The following ABLIM1 variants were observed in gnomAD, a reference collection of about 807,000 sequenced individuals.
ABLIM1 encodes actin binding LIM protein 1.
In ABLIM1, 40 loss-of-function variants were observed where a neutral mutation model predicts 107.0. That is an observed-to-expected ratio of 0.37 (90% CI 0.29 to 0.49). The LOEUF (loss-of-function observed/expected upper bound fraction) is 0.49. Ranked by LOEUF, ABLIM1 falls within the 20% of genes least tolerant of loss-of-function variation. ABLIM1 has a pLI of 0.97. For synonymous variants in ABLIM1, 357 were observed against 357.3 expected (o/e 1.00, Z 0.01); for missense variants, 857 against 1,008.5 (o/e 0.85, Z 2.04).
intron 6 of ABLIM1, among the ~76,000 whole-genome samples, chr10:114,536,870 T>C (rs1399625672): frequency 6.6e-6 from 1 of 152,102 alleles, no homozygotes; most frequent in Non-Finnish European, 1.5e-5. Context: ...CAACATTCTC[T>C]AAGGGCAGAG....
At chr10:114,513,247 A>C (rs1049363348) in intron 6 of ABLIM1, among the ~76,000 whole-genome samples, 2 of 142,388 alleles carry the variant, frequency 1.4e-5, no homozygotes, top group African/African-American at 6.0e-5. Context: ...TTAGAAAGAA[A>C]TGTGATGAAT....
chr10:114,670,755 G>A (rs542655388), intron 1 of ABLIM1, among the ~76,000 whole-genome samples: 12 of 152,334 alleles, frequency 7.9e-5, no homozygotes, highest in Admixed American at 1.3e-4. Context: ...AGTCAATCTC[G>A]AAGTGTTGGG....
intron 6 of ABLIM1, among the ~76,000 whole-genome samples, chr10:114,499,226 T>C (rs1365696875): frequency 6.6e-6 from 1 of 152,210 alleles, no homozygotes; most frequent in Non-Finnish European, 1.5e-5. Context: ...TGATAGGAAG[T>C]ATTTAAGTAG....
At position 114,548,224 on chromosome 10, in the gene ABLIM1, G is replaced by T. The variant is rs115843523; in HGVS notation, c.674-448C>A. ...ACGTGATTACTCCTGGAGGCTGCCC[G>T]TAAATCTCATTTTTGTAAATGGGAC... On this transcript the variant is annotated intron_variant, in intron 4 of 22. Coordinates refer to ENST00000533213, the MANE Select transcript of ABLIM1 (RefSeq NM_002313.7). Among the ~76,000 whole-genome samples, 431 of 152,334 alleles carry T rather than the reference G, an allele frequency of 2.8e-3. 5 individuals carry two copies. Among genetic ancestry groups the T allele is most frequent in the African/African-American group, 0.01 (418 of 41,572 alleles).
intron 2 of ABLIM1, among the ~76,000 whole-genome samples, chr10:114,585,445 G>A (rs1344653186): frequency 2.6e-5 from 4 of 152,114 alleles, no homozygotes; most frequent in Non-Finnish European, 5.9e-5. Context: ...AACAACTACA[G>A]GAAATCATTA....
intron 2 of ABLIM1, among the ~76,000 whole-genome samples, chr10:114,590,997 A>T (rs1376913706): frequency 6.6e-6 from 1 of 152,210 alleles, no homozygotes; most frequent in African/African-American, 2.4e-5. Context: ...AATCATGGCC[A>T]ACATAGAGTC....
At chr10:114,542,083 C>T (rs543718349) in intron 6 of ABLIM1, among the ~76,000 whole-genome samples, 1 of 152,144 alleles carries the variant, frequency 6.6e-6, no homozygotes, top group African/African-American at 2.4e-5. Context: ...TACAGCTGGA[C>T]ATCTGGGAAA....
At chr10:114,749,192 G>A (rs1028737814) in intron 1 of ABLIM1, among the ~76,000 whole-genome samples, 6 of 151,986 alleles carry the variant, frequency 3.9e-5, no homozygotes, top group African/African-American at 1.2e-4. Context: ...ATCTCACTTC[G>A]CAGCTTTTCC....
intron 1 of ABLIM1, among the ~76,000 whole-genome samples, chr10:114,749,442 C>T (rs2082458869): frequency 9.1e-6 from 1 of 109,668 alleles, no homozygotes; most frequent in South Asian, 3.2e-4. Context: ...ATTAAAACAA[C>T]ACACACACCA....
intron 1 of ABLIM1, among the ~76,000 whole-genome samples, chr10:114,736,740 T>C (rs2082187852): frequency 6.6e-6 from 1 of 152,232 alleles, no homozygotes; most frequent in South Asian, 2.1e-4. Context: ...TATATCTATC[T>C]GAAATAGTTT....
At chr10:114,534,645 G>A (rs140562564) in intron 6 of ABLIM1, among the ~76,000 whole-genome samples, 32 of 152,114 alleles carry the variant, frequency 2.1e-4, no homozygotes, top group South Asian at 1.0e-3. Flanking sequence ...CCGCCACCCC[G>A]CCGCATGTGG....
intron 1 of ABLIM1, among the ~76,000 whole-genome samples, chr10:114,692,554 C>T (rs1313086072): frequency 6.6e-6 from 1 of 152,106 alleles, no homozygotes; most frequent in Non-Finnish European, 1.5e-5. Flanking sequence ...AACTTCCAGT[C>T]ACAAAAGTCT....
rs557673482 is a variant in ABLIM1, at chr10:114,654,960, T to C, written c.244+2997A>G. On this transcript the variant is annotated intron_variant, in intron 1 of 22. Coordinates refer to ENST00000533213, the MANE Select transcript of ABLIM1 (RefSeq NM_002313.7). ...TGGTGTGGCATTTCTTTCCCAAGAC[T>C]GAAACAGATTGAGCTGTTGACACAC... Among the ~76,000 whole-genome samples, 32 of 152,274 alleles carry C rather than the reference T, an allele frequency of 2.1e-4. 1 individual carries two copies. In the South Asian group the frequency reaches 6.2e-3, roughly 30 times the overall value.
chr10:114,524,331 GA>G, intron 6 of ABLIM1, among the ~76,000 whole-genome samples: 1 of 152,274 alleles, frequency 6.6e-6, no homozygotes, highest in Non-Finnish European at 1.5e-5. Context: ...AAAGGTGTAA[GA>G]AAAATTTTAA....
At chr10:114,796,839 GTA>G in the ABLIM1 span, among the ~76,000 whole-genome samples, 1 of 152,086 alleles carries the variant, frequency 6.6e-6, no homozygotes, top group Non-Finnish European at 1.5e-5. Flanking sequence ...GCTGTTACTT[GTA>G]GACTTCTGGG....
intron 4 of ABLIM1, among the ~76,000 whole-genome samples, chr10:114,558,935 G>A (rs1422963746): frequency 2.0e-5 from 3 of 151,860 alleles, no homozygotes; most frequent in South Asian, 2.1e-4. Flanking sequence ...GTGTGTGTGT[G>A]TATACATGTA....
chr10:114,489,501 A>G (rs2058642407), intron 7 of ABLIM1, among the ~76,000 whole-genome samples: 1 of 152,132 alleles, frequency 6.6e-6, no homozygotes, highest in Admixed American at 6.5e-5. Context: ...CATCTTCTTA[A>G]CCCAGGGCCA....
rs139544252 is a variant in ABLIM1 at position 114,654,070 on chromosome 10, C to G, written c.244+3887G>C. 4.5e-3 allele frequency among the ~76,000 whole-genome samples: 687 copies of G among 152,290 alleles called. 4 individuals carry two copies. Among genetic ancestry groups the G allele is most frequent in the African/African-American group, 0.011 (437 of 41,556 alleles). ...GCCTTTGCCAAATATTCCCAAGCACCCTGCCAGGAGCTGCTCCTGAACACT... is the reference window on the plus strand; with the variant it reads ...GCCTTTGCCAAATATTCCCAAGCACGCTGCCAGGAGCTGCTCCTGAACACT... On this transcript the variant is annotated intron_variant, in intron 1 of 22. Transcript: ENST00000533213.
chr10:114,562,822 T>C (rs1279914250), intron 4 of ABLIM1, among the ~76,000 whole-genome samples: 1 of 152,142 alleles, frequency 6.6e-6, no homozygotes, highest in Non-Finnish European at 1.5e-5. Context: ...GCTTGCTAGG[T>C]GCACAGTGCT....
Sources: allele counts gnomAD v4.1 joint callset (sites outside exome capture counted in the v4.1 genomes callset), GRCh38; gene constraint gnomAD v4.1.1; transcripts MANE v1.5; gene names NCBI Gene and HGNC (gene_info 2026-07-23, HGNC 2026-07-21).